Variants in MTTP observed in about 807,000 individuals in gnomAD.
The protein encoded by MTTP is microsomal triglyceride transfer protein, also known as microsomal triglyceride transfer protein large subunit.
MTTP carries 49 observed loss-of-function variants against 90.6 expected under a neutral mutation model. That is an observed-to-expected ratio of 0.54 (90% CI 0.43 to 0.69). The LOEUF (loss-of-function observed/expected upper bound fraction) is 0.69. MTTP is among the 30% of genes least tolerant of loss of function. The pLI, the probability that MTTP is intolerant of heterozygous loss-of-function variation, is 0.00. For missense variants in MTTP, 945 were observed against 1,067.5 expected (o/e 0.89, Z 1.60); for synonymous variants, 347 against 384.2 (o/e 0.90, Z 1.13).
chr4:99,577,976 C>G (rs28368786), intron 1 of MTTP, among the ~76,000 whole-genome samples: 39,794 of 151,838 alleles, frequency 0.26, 5,390 homozygotes, highest in South Asian at 0.35. Context: ...TTTCTTCTTA[C>G]CCTTCATCTT....
chr4:99,574,478 A>T (rs1045274838), upstream of MTTP, among the ~76,000 whole-genome samples: 7 of 152,192 alleles, frequency 4.6e-5, no homozygotes, highest in Admixed American at 3.9e-4. Flanking sequence ...ACCCTCCCAC[A>T]TAGTATTGTA....
Position 99,574,827 on chromosome 4 carries a change from C to T in MTTP, c.-83C>T, listed in dbSNP as rs1186889418. On this transcript the variant is annotated 5_prime_UTR_variant, in exon 1 of 18. Transcript: ENST00000265517. ...GTTGCAGGTTCTGAAGAGGGTCACT[C>T]CCTCACTGGCTGCCATTGAAAGAGT... 1 of 1,613,590 alleles carries T rather than the reference C, an allele frequency of 6.2e-7. No homozygotes were observed. The highest frequency in any genetic ancestry group is 1.1e-5 in the South Asian group (1 of 91,038).
Position 99,608,854 on chromosome 4 carries a change from A to G in MTTP, c.1646A>G (p.Asn549Ser). Residue 549 changes from asparagine to serine, a missense_variant, in exon 12 of 18, where the codon AAT becomes AGT. By Grantham distance (46) the Asn-to-Ser change is conservative. Transcript: ENST00000265517. ...ACTGCTGCAGCTGCTATCATTTTAA[A>G]TAACAATCCATCCTACATGGACGTC... is the stretch of plus-strand genomic sequence containing the variant. The part of the protein sequence containing the change: ...VRTAAAAIIL[N>S]NNPSYMDVKN... 1 of 1,614,204 alleles carries G rather than the reference A, an allele frequency of 6.2e-7. No individual in the cohort carries two copies. The highest frequency in any genetic ancestry group is 8.5e-7 in the Non-Finnish European group (1 of 1,180,024).
At chr4:99,604,917 C>G (rs1377943663) in intron 10 of MTTP, among the ~76,000 whole-genome samples, 1 of 152,164 alleles carries the variant, frequency 6.6e-6, no homozygotes, top group African/African-American at 2.4e-5. Flanking sequence ...AAGACTTTTA[C>G]AGTTCTTTTT....
chr4:99,583,817 G>A (rs535876450), intron 3 of MTTP: 109 of 535,704 alleles, frequency 2.0e-4, no homozygotes, highest in Middle Eastern at 1.5e-3. Context: ...AAATTATAAG[G>A]GATTACAAAC....
chr4:99,614,074 A>T (rs1560625756), intron 15 of MTTP, among the ~76,000 whole-genome samples: 1 of 152,234 alleles, frequency 6.6e-6, no homozygotes, highest in Admixed American at 6.5e-5. Context: ...ATATAAGGAG[A>T]TTGAAATAAA....
intron 8 of MTTP, among the ~76,000 whole-genome samples, chr4:99,599,385 C>T (rs965907782): frequency 6.6e-6 from 1 of 152,176 alleles, no homozygotes; most frequent in East Asian, 1.9e-4. Context: ...TCAGAAAAAC[C>T]TAGGTTTCAA....
intron 8 of MTTP, among the ~76,000 whole-genome samples, chr4:99,599,218 G>A (rs558952406): frequency 6.6e-6 from 1 of 152,300 alleles, no homozygotes; most frequent in South Asian, 2.1e-4. Flanking sequence ...GAACTTTTCA[G>A]TATCTTTAAT....
At position 99,594,731 on chromosome 4, in the gene MTTP, A is replaced by G. The variant is rs768050685; in HGVS notation, c.759-2A>G. 1 of 1,613,910 alleles carries G rather than the reference A, an allele frequency of 6.2e-7. No homozygotes were observed. Among genetic ancestry groups the G allele is most frequent in the South Asian group, 1.1e-5 (1 of 91,086 alleles). ...ATAGCATTTCCCTTTGGTATTATGC[A>G]GGCAGAAATTAGAGCTGAAGACAAC... On this transcript the variant is annotated splice_acceptor_variant, in intron 6 of 17. Transcript: ENST00000265517. LOFTEE classifies it high-confidence loss of function.
chr4:99,600,762 A>G, intron 9 of MTTP, 29 bp downstream of exon 9: 1 of 1,604,088 alleles, frequency 6.2e-7, no homozygotes, highest in Non-Finnish European at 8.5e-7. Context: ...AAAGACCCTC[A>G]ACTCCTATAA....
rs1476547239 is a variant in MTTP at position 99,583,351 on chromosome 4, CAGCT to C, written c.250-22_250-19del. ...GACAGATATAGGAAGTTTTTTTTAA[CAGCT>C]TTCTTTCTGTTACTCCAGATGAAGG... On this transcript the variant is annotated intron_variant, in intron 2 of 17. Transcript: ENST00000265517. 10 of 1,610,692 alleles carry C rather than the reference CAGCT, an allele frequency of 6.2e-6. No homozygotes were observed. Among genetic ancestry groups the C allele is most frequent in the Non-Finnish European group, 8.5e-6 (10 of 1,178,954 alleles).
At chr4:99,579,126 A>C (rs1011092601) in intron 1 of MTTP, among the ~76,000 whole-genome samples, 1 of 152,172 alleles carries the variant, frequency 6.6e-6, no homozygotes, top group African/African-American at 2.4e-5. Flanking sequence ...GTGCTTGGAC[A>C]CAGCTTGGTT....
chr4:99,598,002 T>TACAC (rs367751335), intron 8 of MTTP, among the ~76,000 whole-genome samples: 1 of 151,158 alleles, frequency 6.6e-6, no homozygotes, highest in African/African-American at 2.4e-5. Context: ...TTAGCCAAGT[T>TACAC]ACACACACAC....
In MTTP at chr4:99,582,022, C is replaced by G; in HGVS notation, c.179C>G (p.Ser60Cys). ...KLQDSVGYRI[S>C]SNVDVALLWR... ...CAAGACAGCGTGGGCTACCGCATTT[C>G]CTCCAACGTGGATGTGGCCTTACTA... The change falls in exon 2 of 18, where the codon TCC becomes TGC. Residue 60 changes from serine (S) to cysteine (C), a missense_variant. Transcript: ENST00000265517. 2 of 1,614,194 alleles carry G rather than the reference C, an allele frequency of 1.2e-6. No homozygotes were observed. The highest frequency in any genetic ancestry group is 1.7e-6 in the Non-Finnish European group (2 of 1,180,016).
chr4:99,568,422 A>G (rs533593674), intron 1 of MTTP, among the ~76,000 whole-genome samples: 3 of 152,342 alleles, frequency 2.0e-5, no homozygotes, highest in African/African-American at 7.2e-5. Flanking sequence ...TGAAATAGGT[A>G]TAAATCTAAA....
At chr4:99,569,281 T>G (rs1503777) in intron 1 of MTTP, among the ~76,000 whole-genome samples, 29,742 of 151,964 alleles carry the variant, frequency 0.2, 3,004 homozygotes, top group South Asian at 0.3. Flanking sequence ...TTGCGAAGTA[T>G]CTGACCATTT....
chr4:99,600,983 C>G (rs1445245151), intron 9 of MTTP, among the ~76,000 whole-genome samples: 1 of 152,100 alleles, frequency 6.6e-6, no homozygotes, highest in Non-Finnish European at 1.5e-5. Context: ...GTTCACCTAT[C>G]ATGTTATATA....
chr4:99,604,262 A>G (rs761696574), intron 10 of MTTP, among the ~76,000 whole-genome samples: 30 of 152,174 alleles, frequency 2.0e-4, no homozygotes, highest in Admixed American at 1.2e-3. Flanking sequence ...GTAGTTCTAT[A>G]GCCTTTCAGA....
chr4:99,594,852 T>A lies in MTTP; in HGVS notation c.878T>A (p.Val293Asp). Residue 293 changes from valine (V) to aspartate (D), a missense_variant, in exon 7 of 18, where the codon GTC (valine) becomes GAC (aspartate). Coordinates refer to ENST00000265517, the MANE Select transcript of MTTP (RefSeq NM_001386140.1). ...KYTAIPIVGQ[V>D]FQSHCKGCPS... ...ACGGCCATTCCCATTGTGGGGCAGG[T>A]CTTCCAGAGCCACTGTAAAGGATGT... The A allele has an allele frequency of 1.2e-6, 2 of 1,614,028 alleles. No homozygotes were observed. Among genetic ancestry groups the A allele is most frequent in the Non-Finnish European group, 1.7e-6 (2 of 1,179,926 alleles).
Sources: gnomAD v4.1 joint callset for allele counts (sites outside exome capture counted in the v4.1 genomes callset) on GRCh38, gnomAD v4.1.1 for gene constraint, MANE v1.5 for transcripts, NCBI Gene and HGNC (gene_info 2026-07-23, HGNC 2026-07-21) for gene names.